SLC29A4: variants seen among roughly 807,000 people sequenced by gnomAD.
SLC29A4 encodes solute carrier family 29 member 4.
Under a neutral mutation model 43.9 loss-of-function variants are expected in SLC29A4, and 36 were observed. That is an observed-to-expected ratio of 0.82 (90% CI 0.63 to 1.08). The LOEUF is 1.08. Ranked by LOEUF, SLC29A4 falls within the 50% of genes least tolerant of loss-of-function variation. The pLI is 0.00. For synonymous variants in SLC29A4, 491 were observed against 338.0 expected (o/e 1.45, Z -4.97); for missense variants, 869 against 755.3 (o/e 1.15, Z -1.77).
intron 7 of SLC29A4, among the ~76,000 whole-genome samples, chr7:5,297,489 C>T (rs1224994358): frequency 6.6e-6 from 1 of 152,244 alleles, no homozygotes; most frequent in Non-Finnish European, 1.5e-5. Context: ...TGGCCCCTGT[C>T]CTTAGTGACA....
chr7:5,298,333 G>T (rs546894451), intron 7 of SLC29A4, among the ~76,000 whole-genome samples: 1 of 152,194 alleles, frequency 6.6e-6, no homozygotes, highest in East Asian at 1.9e-4. Context: ...GCGTGTTGGG[G>T]CAGAGGGAAA....
intron 2 of SLC29A4, among the ~76,000 whole-genome samples, chr7:5,288,298 C>CTTTTTTTTTTTTT (rs34436127): frequency 2.9e-5 from 2 of 68,756 alleles, no homozygotes; most frequent in African/African-American, 5.9e-5. Context: ...CGTACAGCTT[C>CTTTTTTTTTTTTT]TTTTTTTTTT....
At chr7:5,295,434 C>T (rs1280354798) in intron 6 of SLC29A4, among the ~76,000 whole-genome samples, 3 of 152,120 alleles carry the variant, frequency 2.0e-5, no homozygotes, top group Non-Finnish European at 2.9e-5. Context: ...CAATCACACC[C>T]ACCCCTTCTC....
intron 10 of SLC29A4, among the ~76,000 whole-genome samples, chr7:5,301,110 A>C (rs932712771): frequency 1.1e-4 from 17 of 152,078 alleles, no homozygotes; most frequent in Non-Finnish European, 1.8e-4. Flanking sequence ...AAAATGTTTA[A>C]AAAATTAGCT....
rs2128086593 is a variant in SLC29A4, at chr7:5,287,355, C to G, written c.-8-454C>G. On this transcript the variant is annotated intron_variant, in intron 1 of 10. Coordinates refer to ENST00000396872, the MANE Select transcript of SLC29A4 (RefSeq NM_153247.4). ...ATCCCTTGAGCCCAGGAGGTCGTGG[C>G]TGAAATGAGTGATGGTTGCACCACC... Among the ~76,000 whole-genome samples the G allele has an allele frequency of 2.0e-5, 3 of 150,346 alleles. No individual in the cohort carries two copies. The South Asian group carries it at 6.3e-4, about 31-fold the overall frequency.
intron 10 of SLC29A4, among the ~76,000 whole-genome samples, chr7:5,301,782 GTT>G (rs1786183965): frequency 6.6e-6 from 1 of 152,096 alleles, no homozygotes; most frequent in Non-Finnish European, 1.5e-5. Flanking sequence ...GGGGCTCCAG[GTT>G]TGGGGTCCAC....
In SLC29A4 at chr7:5,297,071, T is replaced by C. The variant is rs1182969523; in HGVS notation, c.755T>C (p.Val252Ala). Residue 252 changes from valine to alanine, a missense_variant, in exon 7 of 11, where the codon GTG (valine) becomes GCG (alanine). Physicochemically the swap from Val to Ala is moderately conservative, Grantham distance 64. Coordinates refer to ENST00000396872, the MANE Select transcript of SLC29A4 (RefSeq NM_153247.4). ...ELLCFLLHLL[V>A]RRSRFVLFYT... is the part of the protein sequence containing the mutation. Reference sequence around the variant, plus strand: ...CTGTGTTTCCTGCTGCACCTGTTAGTGCGGCGCAGCCGCTTCGTGCTCTTC... The same window carrying C: ...CTGTGTTTCCTGCTGCACCTGTTAGCGCGGCGCAGCCGCTTCGTGCTCTTC... The C allele has an allele frequency of 1.2e-6, 2 of 1,607,916 alleles. No individual in the cohort carries two copies. The highest frequency in any genetic ancestry group is 1.7e-6 in the Non-Finnish European group (2 of 1,179,700).
At chr7:5,293,910 G>C (rs1785473749) in intron 5 of SLC29A4, among the ~76,000 whole-genome samples, 1 of 152,154 alleles carries the variant, frequency 6.6e-6, no homozygotes, top group Non-Finnish European at 1.5e-5. Flanking sequence ...TTCGAGACCA[G>C]TCTGGCCAAC....
In SLC29A4 at chr7:5,291,830, C is replaced by T. The variant is rs748929641; in HGVS notation, c.544+9C>T. On this transcript the variant is annotated intron_variant, in intron 5 of 10. Transcript: ENST00000396872. ...GGCCTTCGGCTGCACAGGTAGGAAC[C>T]GGGGCCCAAGGGGGAGGCCTTGAGT... 8.1e-6 allele frequency: 13 copies of T among 1,609,854 alleles called. No homozygotes were observed. The highest frequency in any genetic ancestry group is 4.5e-5 in the East Asian group (2 of 44,834).
intron 1 of SLC29A4, among the ~76,000 whole-genome samples, chr7:5,283,378 G>T (rs1784768687): frequency 6.6e-6 from 1 of 151,716 alleles, no homozygotes; most frequent in Admixed American, 6.6e-5. Context: ...TTCCTCCCCG[G>T]ACCCCCCCGC....
chr7:5,291,080 G>C, intron 3 of SLC29A4, 44 bp from the exon 4 acceptor site: 1 of 1,600,594 alleles, frequency 6.2e-7, no homozygotes, highest in Non-Finnish European at 8.6e-7. Context: ...TCAGTGCAGG[G>C]GGTGGGGCCT....
intron 1 of SLC29A4, 111 bp downstream of exon 1, chr7:5,283,193 C>T (rs1267078281): frequency 3.3e-5 from 5 of 149,584 alleles, no homozygotes; most frequent in Non-Finnish European, 7.5e-5. Context: ...GGCGCTGCCC[C>T]CTCTCCCCAG....
rs370514826 is a variant in SLC29A4, at chr7:5,302,820, A to C, written c.1474A>C (p.Met492Leu). 9 of 1,567,698 alleles carry C rather than the reference A, an allele frequency of 5.7e-6. No homozygotes were observed. Among genetic ancestry groups the C allele is most frequent in the Non-Finnish European group, 6.9e-6 (8 of 1,156,556 alleles). The change falls in exon 11 of 11, where the codon ATG (methionine) becomes CTG (leucine). Residue 492 changes from methionine (M) to leucine (L), a missense_variant. Physicochemically the swap from Met to Leu is conservative, Grantham distance 15 (BLOSUM62 2). Coordinates refer to ENST00000396872, the MANE Select transcript of SLC29A4 (RefSeq NM_153247.4). ...AGGGAACACCATGACCGTGTCCTAC[A>C]TGTCAGGGCTGACGCTGGGGTCCGC... The part of the protein sequence containing the change: ...LAGNTMTVSY[M>L]SGLTLGSAVA...
intron 6 of SLC29A4, among the ~76,000 whole-genome samples, chr7:5,296,381 GT>G (rs1360156564): frequency 6.6e-6 from 1 of 150,974 alleles, no homozygotes; most frequent in South Asian, 2.1e-4. Context: ...ATGCCCCATG[GT>G]GGGGGTGTGT....
rs1448136914 is a variant in SLC29A4, at chr7:5,299,004, C to T, written c.899C>T (p.Ala300Val). Residue 300 changes from alanine (A) to valine (V), a missense_variant, in exon 8 of 11, where the codon GCC becomes GTC. By Grantham distance (64) the Ala-to-Val change is moderately conservative (BLOSUM62 0). Coordinates refer to ENST00000396872, the MANE Select transcript of SLC29A4 (RefSeq NM_153247.4). ...GDVHFEHPAP[A>V]LAPNESPKDS... ...TCCCTCCAGGAGCACCCAGCCCCGG[C>T]CCTGGCCCCCAACGAGTCCCCAAAG... The T allele has an allele frequency of 1.2e-6, 2 of 1,610,038 alleles. No individual in the cohort carries two copies. Among genetic ancestry groups the T allele is most frequent in the Non-Finnish European group, 1.7e-6 (2 of 1,179,720 alleles).
At position 5,291,170 on chromosome 7, in the gene SLC29A4, A is replaced by G; in HGVS notation, c.348A>G (p.Ala116=). The part of the protein sequence containing the change: ...FDMSLTYILV[A]LAAVLLNNVL... ...TGAGCCTCACCTACATCTTGGTGGC[A>G]CTGGCAGCTGTCCTCCTGAACAACG... The change falls in exon 4 of 11, where the codon GCA becomes GCG. Residue 116 remains alanine, a synonymous_variant. Coordinates refer to ENST00000396872, the MANE Select transcript of SLC29A4 (RefSeq NM_153247.4). 1 of 1,613,816 alleles carries G rather than the reference A, an allele frequency of 6.2e-7. No individual in the cohort carries two copies. Among genetic ancestry groups the G allele is most frequent in the Non-Finnish European group, 8.5e-7 (1 of 1,180,002 alleles).
intron 4 of SLC29A4, 106 bp downstream of exon 4, chr7:5,291,343 A>T (rs1484502245): frequency 1.8e-6 from 2 of 1,105,056 alleles, no homozygotes; most frequent in Admixed American, 2.0e-5. Flanking sequence ...TCGTCTGTAA[A>T]ATGGGCACAC....
chr7:5,294,805 C>G lies in SLC29A4; in HGVS notation c.545-55C>G, dbSNP rs1008437816. The stretch of plus-strand genomic sequence containing the variant: ...ACACAGTTCTCTAGTGCATTTCTCC[C>G]AAGTTGACAGGTGATAATGGTGCCT... On this transcript the variant is annotated intron_variant, in intron 5 of 10. Coordinates refer to ENST00000396872, the MANE Select transcript of SLC29A4 (RefSeq NM_153247.4). 3.0e-5 allele frequency: 48 copies of G among 1,578,722 alleles called. No individual in the cohort carries two copies. In the African/African-American group the frequency reaches 5.4e-4, roughly 18 times the overall value.
intron 6 of SLC29A4, among the ~76,000 whole-genome samples, chr7:5,296,397 G>A (rs1314116190): frequency 1.3e-5 from 2 of 150,314 alleles, no homozygotes. Context: ...GTGTGTGAGC[G>A]GCGTCGGGGT....
Sources: allele counts gnomAD v4.1 joint callset (sites outside exome capture counted in the v4.1 genomes callset), GRCh38; gene constraint gnomAD v4.1.1; transcripts MANE v1.5; gene names NCBI Gene and HGNC (gene_info 2026-07-23, HGNC 2026-07-21).